The following CCDC178 variants were observed in gnomAD, a reference collection of about 807,000 sequenced individuals.
CCDC178 encodes coiled-coil domain containing 178, also known as coiled-coil domain-containing protein 178.
Under a neutral mutation model 117.4 loss-of-function variants are expected in CCDC178, and 126 were observed. The ratio of observed to expected loss-of-function variants is 1.07; its 90% CI spans 0.93 to 1.24. CCDC178 has a LOEUF of 1.24. CCDC178 is among the 50% of genes most tolerant of loss of function. The probability of loss-of-function intolerance (pLI) is 0.00; values close to 1 mark genes in which losing one functional copy is unlikely to be tolerated. For missense variants in CCDC178, 1,030 were observed against 986.9 expected (o/e 1.04, Z -0.59); for synonymous variants, 283 against 313.4 (o/e 0.90, Z 1.02).
chr18:33,259,095 A>G (rs1256303593), intron 14 of CCDC178, among the ~76,000 whole-genome samples: 2 of 152,158 alleles, frequency 1.3e-5, no homozygotes, highest in Non-Finnish European at 2.9e-5. Context: ...TAACTGTAAA[A>G]AAAAGGCTGT....
At chr18:33,141,539 G>A (rs1460072904) in intron 20 of CCDC178, among the ~76,000 whole-genome samples, 2 of 152,134 alleles carry the variant, frequency 1.3e-5, no homozygotes, top group Non-Finnish European at 2.9e-5. Context: ...CACTGCTCAA[G>A]GTTAGCCATA....
At chr18:33,030,759 A>G (rs2056325286) in intron 21 of CCDC178, among the ~76,000 whole-genome samples, 1 of 152,160 alleles carries the variant, frequency 6.6e-6, no homozygotes, top group South Asian at 2.1e-4. Flanking sequence ...ATAGACATAG[A>G]TGATAGATGA....
chr18:33,264,213 A>G (rs2059786308), intron 14 of CCDC178, among the ~76,000 whole-genome samples: 3 of 152,156 alleles, frequency 2.0e-5, no homozygotes, highest in Admixed American at 6.6e-5. Flanking sequence ...TTGCCAGTTT[A>G]TATGTGCAAA....
At chr18:33,311,208 T>A (rs2062337372) in intron 11 of CCDC178, among the ~76,000 whole-genome samples, 1 of 152,132 alleles carries the variant, frequency 6.6e-6, no homozygotes, top group Admixed American at 6.5e-5. Context: ...AAAACTGTTC[T>A]CTAACAGACT....
chr18:33,411,271 A>G (rs2063848700), intron 3 of CCDC178, among the ~76,000 whole-genome samples: 1 of 152,222 alleles, frequency 6.6e-6, no homozygotes, highest in Non-Finnish European at 1.5e-5. Flanking sequence ...CAGGGTTGGC[A>G]AATGTTTTCT....
At chr18:33,096,423 TTC>T (rs914671219) in intron 20 of CCDC178, among the ~76,000 whole-genome samples, 3 of 150,048 alleles carry the variant, frequency 2.0e-5, no homozygotes, top group Non-Finnish European at 3.0e-5. Flanking sequence ...TATATCATAT[TTC>T]TGTTTCACTT....
intron 21 of CCDC178, among the ~76,000 whole-genome samples, chr18:32,986,703 A>C (rs1474505905): frequency 6.6e-6 from 1 of 152,138 alleles, no homozygotes; most frequent in African/African-American, 2.4e-5. Flanking sequence ...AAACAGGTAA[A>C]TATGTAAAGT....
At chr18:33,065,608 C>T (rs766586569) in intron 21 of CCDC178, among the ~76,000 whole-genome samples, 4 of 152,088 alleles carry the variant, frequency 2.6e-5, no homozygotes, top group Non-Finnish European at 4.4e-5. Context: ...GATTCAGCCT[C>T]GAAGGGTCTT....
chr18:33,215,812 C>T (rs2059158998), intron 18 of CCDC178, 117 bp from the exon 19 acceptor site: 1 of 694,410 alleles, frequency 1.4e-6, no homozygotes, highest in Non-Finnish European at 2.2e-6. Flanking sequence ...GTGGGCCACA[C>T]CTGATGGCTC....
chr18:33,207,197 A>G (rs940099890), intron 20 of CCDC178, among the ~76,000 whole-genome samples: 1 of 152,184 alleles, frequency 6.6e-6, no homozygotes, highest in Non-Finnish European at 1.5e-5. Context: ...AATTTAACAT[A>G]GAAAAAGAAC....
chr18:33,146,333 G>C (rs1180480258), intron 20 of CCDC178, among the ~76,000 whole-genome samples: 6 of 152,198 alleles, frequency 3.9e-5, no homozygotes, highest in Non-Finnish European at 5.9e-5. Flanking sequence ...AAGCCTTTGA[G>C]AGACAAATCC....
At chr18:33,261,785 T>A (rs1164831608) in intron 14 of CCDC178, among the ~76,000 whole-genome samples, 6 of 152,156 alleles carry the variant, frequency 3.9e-5, no homozygotes, top group Non-Finnish European at 1.5e-5. Flanking sequence ...ACAACTGCAG[T>A]AAGACTTTTA....
chr18:32,975,432 C>T (rs2055010352), intron 21 of CCDC178, among the ~76,000 whole-genome samples: 2 of 152,022 alleles, frequency 1.3e-5, no homozygotes, highest in Admixed American at 6.6e-5. Flanking sequence ...ATATAAAAAC[C>T]AAAAGAAAAC....
At chr18:33,054,860 A>G (rs887547761) in intron 21 of CCDC178, among the ~76,000 whole-genome samples, 4 of 152,202 alleles carry the variant, frequency 2.6e-5, no homozygotes, top group African/African-American at 9.6e-5. Context: ...GTCTTCCACA[A>G]TAGTTGAACA....
intron 21 of CCDC178, among the ~76,000 whole-genome samples, chr18:32,997,868 A>G (rs1456538136): frequency 6.6e-6 from 1 of 152,162 alleles, no homozygotes; most frequent in African/African-American, 2.4e-5. Flanking sequence ...AAAATCAACC[A>G]TTTTATTCAT....
At chr18:33,108,213 G>C (rs1201320014) in intron 20 of CCDC178, among the ~76,000 whole-genome samples, 2 of 151,502 alleles carry the variant, frequency 1.3e-5, no homozygotes, top group African/African-American at 2.4e-5. Context: ...AAGTGTTTAT[G>C]CTTTCAAACA....
intron 21 of CCDC178, among the ~76,000 whole-genome samples, chr18:33,019,631 C>A (rs1445909228): frequency 6.6e-6 from 1 of 152,004 alleles, no homozygotes; most frequent in Non-Finnish European, 1.5e-5. Flanking sequence ...GTGAAAGGTG[C>A]CTTACTTATA....
intron 22 of CCDC178, among the ~76,000 whole-genome samples, chr18:32,939,131 C>T (rs1362151057): frequency 1.3e-5 from 2 of 151,956 alleles, no homozygotes; most frequent in Non-Finnish European, 2.9e-5. Flanking sequence ...CCATCATGAA[C>T]ATATTTTGTA....
intron 21 of CCDC178, among the ~76,000 whole-genome samples, chr18:33,053,622 A>C (rs980600613): frequency 6.6e-6 from 1 of 152,210 alleles, no homozygotes; most frequent in Non-Finnish European, 1.5e-5. Flanking sequence ...ATTAGATGTC[A>C]ATAGAGATAA....
Sources: gnomAD v4.1 joint callset for allele counts (sites outside exome capture counted in the v4.1 genomes callset) on GRCh38, gnomAD v4.1.1 for gene constraint, MANE v1.5 for transcripts, NCBI Gene and HGNC (gene_info 2026-07-23, HGNC 2026-07-21) for gene names.